The following TSNARE1 variants were observed in gnomAD, a reference collection of about 807,000 sequenced individuals.
The protein encoded by TSNARE1 is t-SNARE domain-containing protein 1.
A neutral mutation model predicts 62.0 loss-of-function variants in TSNARE1; 49 were observed. The observed-to-expected ratio is 0.79, with a 90% CI of 0.63 to 1.00. The LOEUF is 1.00. Among genes scored for constraint, TSNARE1 ranks in the 50% least tolerant of loss-of-function variants. TSNARE1 has a pLI of 0.00. For missense variants in TSNARE1, 755 were observed against 700.1 expected (o/e 1.08, Z -0.88); for synonymous variants, 328 against 294.4 (o/e 1.11, Z -1.17).
chr8:142,322,487 A>G (rs759162519), intron 6 of TSNARE1, among the ~76,000 whole-genome samples: 11 of 152,266 alleles, frequency 7.2e-5, no homozygotes, highest in Non-Finnish European at 1.3e-4. Flanking sequence ...CTTCAGTCAT[A>G]GAGACATGTA....
chr8:142,379,728 C>G (rs1282912930), intron 1 of TSNARE1, among the ~76,000 whole-genome samples: 1 of 152,110 alleles, frequency 6.6e-6, no homozygotes, highest in Non-Finnish European at 1.5e-5. Context: ...GGTGTAGGGC[C>G]CCAGCTCAGG....
intron 10 of TSNARE1, among the ~76,000 whole-genome samples, chr8:142,287,698 C>G (rs890234954): frequency 7.5e-6 from 1 of 134,196 alleles, no homozygotes; most frequent in Admixed American, 7.9e-5. Context: ...ATCTCAGGGA[C>G]AGTGGAACCC....
chr8:142,269,357 GAC>G, intron 12 of TSNARE1: 1 of 873,438 alleles, frequency 1.1e-6, no homozygotes, highest in Non-Finnish European at 1.4e-6. Flanking sequence ...CTGCAGTCAG[GAC>G]ACAGTGTGGG....
chr8:142,253,052 C>T (rs1211089073), intron 12 of TSNARE1, among the ~76,000 whole-genome samples: 1 of 152,254 alleles, frequency 6.6e-6, no homozygotes, highest in Non-Finnish European at 1.5e-5. Flanking sequence ...GGGCATCTGC[C>T]TGTTCACAGA....
At chr8:142,279,420 G>A (rs1368349955) in intron 11 of TSNARE1, among the ~76,000 whole-genome samples, 2 of 152,192 alleles carry the variant, frequency 1.3e-5, no homozygotes, top group Non-Finnish European at 2.9e-5. Context: ...GGGGAGCTCA[G>A]GCCTTGTCTC....
At chr8:142,324,550 T>G (rs956481714) in intron 6 of TSNARE1, among the ~76,000 whole-genome samples, 1 of 152,234 alleles carries the variant, frequency 6.6e-6, no homozygotes, top group Non-Finnish European at 1.5e-5. Context: ...CTCTCGCATT[T>G]GCTTGTCATT....
chr8:142,320,173 C>A (rs184329488), intron 6 of TSNARE1, among the ~76,000 whole-genome samples: 1 of 152,318 alleles, frequency 6.6e-6, no homozygotes, highest in East Asian at 1.9e-4. Context: ...ACATTCTGTG[C>A]ACAGCAGGCC....
At chr8:142,256,681 C>T (rs1216704998) in intron 12 of TSNARE1, among the ~76,000 whole-genome samples, 2 of 152,200 alleles carry the variant, frequency 1.3e-5, no homozygotes, top group African/African-American at 2.4e-5. Context: ...AATCCTGAGG[C>T]ATTCCTGGTA....
At chr8:142,303,634 C>CG (rs1826157127) in intron 9 of TSNARE1, among the ~76,000 whole-genome samples, 1 of 152,212 alleles carries the variant, frequency 6.6e-6, no homozygotes, top group South Asian at 2.1e-4. Flanking sequence ...AGATGAACCC[C>CG]GGCTGGACAC....
intron 12 of TSNARE1, among the ~76,000 whole-genome samples, chr8:142,238,170 C>T (rs1033865630): frequency 1.9e-4 from 29 of 152,180 alleles, no homozygotes; most frequent in Middle Eastern, 3.4e-3. Flanking sequence ...TGCCGTCTGT[C>T]TCCCTGGGTC....
rs1827073774 is a variant in TSNARE1 at position 142,308,575 on chromosome 8, T to C, written c.1131+5809A>G. ...ATGCGTTGGTGTGTCCATAGGCTGG[T>C]GTGTCCACGGCTTGGTGTGTCCGTG... On this transcript the variant is annotated intron_variant, in intron 9 of 13. Transcript: ENST00000524325. 3.3e-5 allele frequency among the ~76,000 whole-genome samples: 5 copies of C among 152,068 alleles called. No individual in the cohort carries two copies. In the South Asian group the frequency reaches 1.0e-3, roughly 32 times the overall value.
At chr8:142,295,723 G>A (rs781097390) in intron 10 of TSNARE1, among the ~76,000 whole-genome samples, 1 of 152,078 alleles carries the variant, frequency 6.6e-6, no homozygotes, top group Non-Finnish European at 1.5e-5. Flanking sequence ...AACCAGTAAA[G>A]AGAAACGTGG....
At chr8:142,343,817 A>AGGAG (rs1563952812) in intron 4 of TSNARE1, 149 bp downstream of exon 4, 4 of 197,844 alleles carry the variant, frequency 2.0e-5, no homozygotes, top group South Asian at 1.9e-4. Flanking sequence ...GGAGGAGGGG[A>AGGAG]GAGGAGGAGG....
intron 11 of TSNARE1, among the ~76,000 whole-genome samples, chr8:142,281,509 C>T (rs544037711): frequency 6.6e-6 from 1 of 152,084 alleles, no homozygotes; most frequent in East Asian, 2.0e-4. Context: ...CAGGCCAGGG[C>T]TGCTGTGTGA....
intron 12 of TSNARE1, among the ~76,000 whole-genome samples, chr8:142,235,161 C>G (rs1247640973): frequency 6.6e-6 from 1 of 152,044 alleles, no homozygotes; most frequent in Non-Finnish European, 1.5e-5. Flanking sequence ...GGTGCTGGTG[C>G]CCGTGGTCCA....
chr8:142,281,102 G>A (rs1000814856), intron 11 of TSNARE1, among the ~76,000 whole-genome samples: 9 of 152,210 alleles, frequency 5.9e-5, no homozygotes, highest in African/African-American at 2.2e-4. Context: ...GGACCAGGAG[G>A]CTGTTCTCGG....
chr8:142,355,188 A>G lies in TSNARE1; in HGVS notation c.-39-425T>C, dbSNP rs558897873. Among the ~76,000 whole-genome samples the G allele has an allele frequency of 6.0e-3, 916 of 152,280 alleles. 9 individuals carry two copies. Among genetic ancestry groups the G allele is most frequent in the African/African-American group, 0.021 (859 of 41,562 alleles). ...GCCCAGGCCGGGCTGAGAACCCGGC[A>G]CCCATGCAGCCTGCCGGCATCTCTA... On this transcript the variant is annotated intron_variant, in intron 1 of 13. Transcript: ENST00000524325.
intron 1 of TSNARE1, among the ~76,000 whole-genome samples, chr8:142,382,162 C>T (rs776783798): frequency 1.4e-4 from 21 of 152,076 alleles, no homozygotes; most frequent in Non-Finnish European, 8.8e-5. Flanking sequence ...CTCATGTGTG[C>T]GACAGAGAGC....
At chr8:142,385,054 G>A (rs1299732562) in intron 1 of TSNARE1, among the ~76,000 whole-genome samples, 2 of 152,006 alleles carry the variant, frequency 1.3e-5, no homozygotes, top group Admixed American at 1.3e-4. Context: ...AATGAGGTGA[G>A]AGAAAAGCGA....
Sources: gnomAD v4.1 joint callset for allele counts (sites outside exome capture counted in the v4.1 genomes callset) on GRCh38, gnomAD v4.1.1 for gene constraint, MANE v1.5 for transcripts, NCBI Gene and HGNC (gene_info 2026-07-23, HGNC 2026-07-21) for gene names.